COBLL1: variants seen among roughly 807,000 people sequenced by gnomAD.
COBLL1 encodes the protein cordon-bleu protein-like 1.
COBLL1 carries 50 observed loss-of-function variants against 94.8 expected under a neutral mutation model. The observed-to-expected ratio is 0.53, with a 90% CI of 0.42 to 0.67. COBLL1 has a LOEUF of 0.67. Among genes scored for constraint, COBLL1 ranks in the 30% least tolerant of loss-of-function variants. The pLI is 0.00. For missense variants in COBLL1, 1,362 were observed against 1,348.7 expected, an observed-to-expected ratio of 1.01 and a Z score of -0.15; for synonymous variants, 448 against 473.8, an observed-to-expected ratio of 0.95 and a Z score of 0.71.
chr2:164,734,898 A>G (rs1686217154), intron 3 of COBLL1, among the ~76,000 whole-genome samples: 1 of 152,208 alleles, frequency 6.6e-6, no homozygotes, highest in African/African-American at 2.4e-5. Flanking sequence ...TCAAAAGCAG[A>G]AACTGAAAAA....
At chr2:164,785,915 A>G (rs530597252) in intron 2 of COBLL1, among the ~76,000 whole-genome samples, 1 of 102,686 alleles carries the variant, frequency 9.7e-6, no homozygotes, top group African/African-American at 5.6e-5. Flanking sequence ...TCCGCAACAA[A>G]AGGTAGATTT....
chr2:164,838,914 AT>A lies in COBLL1; in HGVS notation c.41+2241del, dbSNP rs1394521502. 4.6e-5 allele frequency among the ~76,000 whole-genome samples: 7 copies of A among 152,250 alleles called. No homozygotes were observed. In the East Asian group the frequency reaches 9.6e-4, roughly 21 times the overall value. ...ACTTCCCAAATACCCTTATCTAGAT[AT>A]TTTTCCCCCAGTTTAAACCTTTTAT... is the stretch of plus-strand genomic sequence containing the variant. On this transcript the variant is annotated intron_variant, in intron 2 of 13. Coordinates refer to ENST00000652658, the MANE Select transcript of COBLL1 (RefSeq NM_001365672.2).
chr2:164,691,566 T>C (rs892295020), intron 13 of COBLL1, among the ~76,000 whole-genome samples: 5 of 152,116 alleles, frequency 3.3e-5, no homozygotes, highest in African/African-American at 4.8e-5. Flanking sequence ...TCACCACATC[T>C]TCTTCTCAGT....
At chr2:164,720,518 T>C (rs1227670677) in intron 7 of COBLL1, among the ~76,000 whole-genome samples, 2 of 152,160 alleles carry the variant, frequency 1.3e-5, no homozygotes, top group South Asian at 2.1e-4. Flanking sequence ...TATATTTCTA[T>C]ATATATTAAT....
intron 2 of COBLL1, chr2:164,779,687 G>A (rs778240847): frequency 6.4e-6 from 3 of 470,806 alleles, no homozygotes; most frequent in East Asian, 7.0e-5. Flanking sequence ...TGAGTCTCTC[G>A]ACCAAAAAGT....
At chr2:164,706,684 G>A (rs757876545) in intron 7 of COBLL1, among the ~76,000 whole-genome samples, 1 of 152,056 alleles carries the variant, frequency 6.6e-6, no homozygotes, top group Non-Finnish European at 1.5e-5. Context: ...CTCACACTGA[G>A]TCAACCCTTT....
chr2:164,695,868 T>C (rs1683919392), intron 11 of COBLL1, 32 bp from the exon 12 acceptor site: 1 of 1,495,652 alleles, frequency 6.7e-7, no homozygotes, highest in East Asian at 2.3e-5. Context: ...GTTAAATATA[T>C]GAAAGAAGTA....
At chr2:164,814,517 T>C (rs562309013) in intron 2 of COBLL1, among the ~76,000 whole-genome samples, 15 of 152,322 alleles carry the variant, frequency 9.8e-5, no homozygotes, top group African/African-American at 3.6e-4. Flanking sequence ...ATAAATCAAC[T>C]AAAATTTTCC....
intron 2 of COBLL1, among the ~76,000 whole-genome samples, chr2:164,818,667 A>G (rs1489646491): frequency 1.3e-5 from 2 of 149,266 alleles, no homozygotes; most frequent in East Asian, 1.9e-4. Context: ...GCGTATATGT[A>G]CATATGTAAA....
intron 2 of COBLL1, among the ~76,000 whole-genome samples, chr2:164,789,396 A>G (rs1172787266): frequency 6.6e-6 from 1 of 152,108 alleles, no homozygotes; most frequent in Non-Finnish European, 1.5e-5. Flanking sequence ...TTTGTCATAC[A>G]TATCCTGTCT....
Position 164,695,455 on chromosome 2 carries a change from C to T in COBLL1, c.1937G>A (p.Ser646Asn), listed in dbSNP as rs201823188. ...TGAGGTATTTACAGAATCTTGTGAA[C>T]TTAAGCATGAGTGTTGAGTTGATAT... The part of the protein sequence containing the change: ...NNISTQHSCL[S>N]SQDSVNTSRE... Residue 646 changes from serine to asparagine, a missense_variant, in exon 12 of 14, where the codon AGT becomes AAT. By Grantham distance (46) the Ser-to-Asn change is conservative. Transcript: ENST00000652658. 22 of 1,613,894 alleles carry T rather than the reference C, an allele frequency of 1.4e-5. No homozygotes were observed. The highest frequency in any genetic ancestry group is 1.8e-5 in the Non-Finnish European group (21 of 1,179,914).
intron 2 of COBLL1, among the ~76,000 whole-genome samples, chr2:164,663,930 T>C (rs969994772): frequency 6.6e-6 from 1 of 152,246 alleles, no homozygotes; most frequent in Non-Finnish European, 1.5e-5. Context: ...ATGTACCCTC[T>C]GATCTAAAAT....
rs1683251364 is a variant in COBLL1 at position 164,685,877 on chromosome 2, C to T, written c.*69G>A. ...AGTGTACATCTGAATATACATTTGC[C>T]AAAATGTTCCATTAGTATGAAGTTG... On this transcript the variant is annotated 3_prime_UTR_variant, in exon 14 of 14. Transcript: ENST00000652658. 3 of 836,960 alleles carry T rather than the reference C, an allele frequency of 3.6e-6. No individual in the cohort carries two copies. Among genetic ancestry groups the T allele is most frequent in the East Asian group, 5.3e-5 (2 of 37,670 alleles). 51.8% of individuals were successfully genotyped at this position (836,960 alleles called of 1,614,324 possible).
intron 2 of COBLL1, among the ~76,000 whole-genome samples, chr2:164,745,848 G>A (rs1420397546): frequency 6.6e-6 from 1 of 152,078 alleles, no homozygotes; most frequent in African/African-American, 2.4e-5. Flanking sequence ...TGGTAAAATT[G>A]CACAGAGAAG....
At chr2:164,772,138 C>T (rs1688235452) in intron 2 of COBLL1, 2 of 148,340 alleles carry the variant, frequency 1.3e-5, no homozygotes, top group Non-Finnish European at 3.0e-5. Context: ...GTTGTTAATC[C>T]TCACAGTGTG....
In COBLL1 at chr2:164,693,589, G is replaced by A. The variant is rs141495788; in HGVS notation, c.3123+680C>T. 9.0e-3 allele frequency among the ~76,000 whole-genome samples: 1,364 copies of A among 152,074 alleles called. 21 individuals carry two copies. Among genetic ancestry groups the A allele is most frequent in the African/African-American group, 0.031 (1,298 of 41,496 alleles). ...AGCTAGCAAAATACAACATTTAGTT[G>A]ACCAAACACTAAGTCAACAACATTC... On this transcript the variant is annotated intron_variant, in intron 12 of 13. Transcript: ENST00000652658.
intron 2 of COBLL1, among the ~76,000 whole-genome samples, chr2:164,663,054 T>C (rs1229282516): frequency 6.6e-6 from 1 of 152,226 alleles, no homozygotes; most frequent in African/African-American, 2.4e-5. Context: ...ATATTAAATG[T>C]ATGCATTGGA....
At chr2:164,743,542 A>T in intron 3 of COBLL1, 145 bp downstream of exon 3, 1 of 656,726 alleles carries the variant, frequency 1.5e-6, no homozygotes, top group Non-Finnish European at 2.6e-6. Flanking sequence ...ACACCATTTT[A>T]GCAGTCTTTT....
At chr2:164,712,201 T>C (rs1009636575) in intron 7 of COBLL1, among the ~76,000 whole-genome samples, 5 of 152,144 alleles carry the variant, frequency 3.3e-5, no homozygotes, top group African/African-American at 9.7e-5. Flanking sequence ...AGTTGAATTA[T>C]AAAAAGTGGG....
Sources: gnomAD v4.1 joint callset for allele counts (sites outside exome capture counted in the v4.1 genomes callset) on GRCh38, gnomAD v4.1.1 for gene constraint, MANE v1.5 for transcripts, NCBI Gene and HGNC (gene_info 2026-07-23, HGNC 2026-07-21) for gene names.